Variants in TFEC observed in about 807,000 individuals in gnomAD.
TFEC encodes transcription factor EC.
A neutral mutation model predicts 41.6 loss-of-function variants in TFEC; 31 were observed. The ratio of observed to expected loss-of-function variants is 0.74; its 90% CI spans 0.56 to 1.01. The LOEUF (loss-of-function observed/expected upper bound fraction) is 1.01, where lower values mean the gene tolerates loss of function less well. Ranked by LOEUF, TFEC falls within the 50% of genes least tolerant of loss-of-function variation. TFEC has a pLI of 0.00. For missense variants in TFEC, 402 were observed against 404.1 expected, an observed-to-expected ratio of 0.99 and a Z score of 0.04; for synonymous variants, 143 against 140.6, an observed-to-expected ratio of 1.02 and a Z score of -0.12.
intron 3 of TFEC, among the ~76,000 whole-genome samples, chr7:116,078,413 T>C (rs1797010085): frequency 6.6e-6 from 1 of 151,768 alleles, no homozygotes; most frequent in Admixed American, 6.6e-5. Flanking sequence ...TTTGAAAAGA[T>C]AAATAAAATT....
intron 3 of TFEC, among the ~76,000 whole-genome samples, chr7:116,074,082 A>T (rs955317534): frequency 2.6e-5 from 4 of 151,998 alleles, no homozygotes; most frequent in Admixed American, 1.3e-4. Context: ...TGGATCTCAG[A>T]CCTAATCATA....
At chr7:116,108,494 C>G (rs774745310) in intron 3 of TFEC, among the ~76,000 whole-genome samples, 1 of 152,082 alleles carries the variant, frequency 6.6e-6, no homozygotes, top group Non-Finnish European at 1.5e-5. Flanking sequence ...CTAGCAAGGC[C>G]TCTTTTTTCA....
chr7:116,127,906 A>G (rs751976203), intron 1 of TFEC, among the ~76,000 whole-genome samples: 1 of 151,964 alleles, frequency 6.6e-6, no homozygotes, highest in South Asian at 2.1e-4. Context: ...TTTACCTCTC[A>G]ATGTTTTTGT....
chr7:116,125,257 T>C (rs367753293), intron 1 of TFEC, among the ~76,000 whole-genome samples: 1 of 152,126 alleles, frequency 6.6e-6, no homozygotes, highest in South Asian at 2.1e-4. Context: ...AGAGAAAGCA[T>C]TGGAGGCAGA....
chr7:115,994,891 T>A (rs1173724832), intron 1 of TFEC, among the ~76,000 whole-genome samples: 1 of 152,082 alleles, frequency 6.6e-6, no homozygotes, highest in African/African-American at 2.4e-5. Flanking sequence ...TAAAGACACA[T>A]GCACACGTAT....
chr7:116,003,873 A>G (rs1194334728), intron 1 of TFEC, among the ~76,000 whole-genome samples: 1 of 152,204 alleles, frequency 6.6e-6, no homozygotes, highest in Non-Finnish European at 1.5e-5. Flanking sequence ...TAAACCACAC[A>G]CTTTTACATT....
intron 1 of TFEC, among the ~76,000 whole-genome samples, chr7:116,025,866 C>G (rs1795565611): frequency 6.6e-6 from 1 of 152,182 alleles, no homozygotes; most frequent in Non-Finnish European, 1.5e-5. Flanking sequence ...CCTCTCTCTT[C>G]TTGCCAAAGG....
intron 3 of TFEC, among the ~76,000 whole-genome samples, chr7:115,967,371 A>G (rs1792906391): frequency 6.6e-6 from 1 of 151,780 alleles, no homozygotes; most frequent in Non-Finnish European, 1.5e-5. Context: ...GAATAATTGT[A>G]GACATAAAAG....
chr7:116,115,993 T>G (rs1363631442), intron 1 of TFEC, among the ~76,000 whole-genome samples: 1 of 151,968 alleles, frequency 6.6e-6, no homozygotes, highest in Admixed American at 6.6e-5. Context: ...GGCTTTGTGG[T>G]TATTTACAGC....
At chr7:116,051,514 C>T (rs1290481606) in intron 3 of TFEC, among the ~76,000 whole-genome samples, 1 of 152,164 alleles carries the variant, frequency 6.6e-6, no homozygotes. Flanking sequence ...AAACAAACCT[C>T]ACATGAGCAA....
chr7:115,984,652 T>C (rs1278598871), intron 1 of TFEC, 139 bp from the exon 2 acceptor site: 4 of 1,006,510 alleles, frequency 4.0e-6, no homozygotes, highest in Non-Finnish European at 5.6e-6. Flanking sequence ...TCCATACTTC[T>C]GTCATAAGTT....
rs543032280 is a variant in TFEC at position 115,989,793 on chromosome 7, C to T, written c.-72-5280G>A. On this transcript the variant is annotated intron_variant, in intron 1 of 7. Coordinates refer to ENST00000265440, the MANE Select transcript of TFEC (RefSeq NM_012252.4). ...CTGCCTGCCTCTGTAGACTCCACCT[C>T]TAGGGGCAGGGCATAACTGAACAAA... is the stretch of plus-strand genomic sequence containing the variant. Among the ~76,000 whole-genome samples the T allele has an allele frequency of 1.1e-4, 17 of 152,272 alleles. No homozygotes were observed. The South Asian group carries it at 3.5e-3, about 32-fold the overall frequency.
intron 6 of TFEC, among the ~76,000 whole-genome samples, chr7:115,944,379 T>C (rs1793680829): frequency 6.6e-6 from 1 of 151,528 alleles, no homozygotes; most frequent in African/African-American, 2.4e-5. Context: ...ATTGTTATTT[T>C]TGTTTGGGTT....
intron 1 of TFEC, among the ~76,000 whole-genome samples, chr7:116,135,850 T>A (rs1222586967): frequency 6.6e-6 from 1 of 152,098 alleles, no homozygotes. Context: ...TAATTTTTAA[T>A]CCAATTAAAC....
intron 3 of TFEC, among the ~76,000 whole-genome samples, chr7:116,041,149 A>G (rs1287569887): frequency 1.3e-5 from 2 of 152,186 alleles, no homozygotes; most frequent in African/African-American, 4.8e-5. Flanking sequence ...CTAGTATGGA[A>G]ACATACTAAT....
rs149470775 is a variant in TFEC at position 116,109,785 on chromosome 7, T to C, written c.198+923A>G. On this transcript the variant is annotated intron_variant, in intron 3 of 8. Transcript: ENST00000484212. ...AAAGACACATGCACACGTATGTTTATTGCGGCACCATTCACAATAGCAAAG... is the reference window on the plus strand; with the variant it reads ...AAAGACACATGCACACGTATGTTTACTGCGGCACCATTCACAATAGCAAAG... Among the ~76,000 whole-genome samples, 1,308 of 152,308 alleles carry C rather than the reference T, an allele frequency of 8.6e-3. 14 individuals carry two copies. Among genetic ancestry groups the C allele is most frequent in the Non-Finnish European group, 0.011 (740 of 68,020 alleles).
intron 4 of TFEC, 55 bp downstream of exon 4, chr7:115,956,624 A>G: frequency 3.0e-6 from 4 of 1,323,948 alleles, no homozygotes; most frequent in Non-Finnish European, 4.2e-6. Context: ...TATGTCACTC[A>G]TAACTTATGT....
At chr7:116,080,978 T>A (rs1584491793) in intron 3 of TFEC, among the ~76,000 whole-genome samples, 1 of 76,942 alleles carries the variant, frequency 1.3e-5, no homozygotes, top group Non-Finnish European at 2.8e-5. Flanking sequence ...GAAAATGTAG[T>A]GTGTGTGTGT....
At chr7:116,108,172 T>C (rs926480759) in intron 3 of TFEC, among the ~76,000 whole-genome samples, 1 of 152,162 alleles carries the variant, frequency 6.6e-6, no homozygotes, top group African/African-American at 2.4e-5. Flanking sequence ...CTGATTATTT[T>C]AAGACGCAAA....
Sources: allele counts gnomAD v4.1 joint callset (sites outside exome capture counted in the v4.1 genomes callset), GRCh38; gene constraint gnomAD v4.1.1; transcripts MANE v1.5; gene names NCBI Gene and HGNC (gene_info 2026-07-23, HGNC 2026-07-21).